Variants in CROCC2 observed in about 807,000 individuals in gnomAD.
CROCC2 encodes ciliary rootlet coiled-coil protein 2.
A neutral mutation model predicts 177.6 loss-of-function variants in CROCC2; 163 were observed. The ratio of observed to expected loss-of-function variants is 0.92; its 90% CI spans 0.81 to 1.05. CROCC2 has a LOEUF of 1.05. Among genes scored for constraint, CROCC2 ranks in the 50% least tolerant of loss-of-function variants. The probability of loss-of-function intolerance (pLI) is 0.00; values close to 1 mark genes in which losing one functional copy is unlikely to be tolerated. For synonymous variants in CROCC2, 904 were observed against 787.3 expected (o/e 1.15, Z -2.48); for missense variants, 1,929 against 1,797.8 (o/e 1.07, Z -1.32).
At chr2:240,935,309 G>C in intron 13 of CROCC2, 49 bp from the exon 14 acceptor site, 1 of 1,327,290 alleles carries the variant, frequency 7.5e-7, no homozygotes, top group Non-Finnish European at 9.7e-7. Context: ...GGCCTACAGG[G>C]ACCGAGGATG....
Position 240,932,766 on chromosome 2 carries a change from C to T in CROCC2, c.1109C>T (p.Pro370Leu). ...AGCAGCATCACTGAATTGGGGGAGCCACGGCGCCCACTGAGGAGCCCCCAA... is the reference window on the plus strand; with the variant it reads ...AGCAGCATCACTGAATTGGGGGAGCTACGGCGCCCACTGAGGAGCCCCCAA... ...AGSSITELGEPRRPLRSPQRA... is the reference protein window; with the variant it reads ...AGSSITELGELRRPLRSPQRA... The change falls in exon 9 of 32, where the codon CCA becomes CTA. Residue 370 changes from proline (P) to leucine (L), a missense_variant. Physicochemically the swap from Pro to Leu is moderately conservative, Grantham distance 98 (BLOSUM62 -3). This residue lies in a region of CROCC2 where 1,397 missense variants were observed against 1,239.9 expected (regional missense o/e 1.13). Coordinates refer to ENST00000690015, the MANE Select transcript of CROCC2 (RefSeq NM_001351305.2). 1 of 1,243,440 alleles carries T rather than the reference C, an allele frequency of 8.0e-7. No individual in the cohort carries two copies. Among genetic ancestry groups the T allele is most frequent in the Non-Finnish European group, 1.2e-6 (1 of 867,514 alleles). The allele number at this position is 1,243,440 out of a possible 1,614,324, so 77.0% of individuals were successfully genotyped here. A position where few individuals can be genotyped will look rare whatever the true frequency, so the allele number is the denominator to read the frequency against.
At chr2:240,984,249 T>C (rs1053897083) in intron 28 of CROCC2, among the ~76,000 whole-genome samples, 1 of 152,124 alleles carries the variant, frequency 6.6e-6, no homozygotes, top group Admixed American at 6.5e-5. Context: ...CCAGTGGTCC[T>C]GGCCACTGAG....
At chr2:240,930,092 C>A in intron 5 of CROCC2, 74 bp from the exon 6 acceptor site, 1 of 521,478 alleles carries the variant, frequency 1.9e-6, no homozygotes. Flanking sequence ...GGGACATGCA[C>A]TTGGAAAAGA....
chr2:240,925,072 C>G lies in CROCC2; in HGVS notation c.489-652C>G, dbSNP rs189260360. ...ACCAAGGCCCACCAGTCTCCCAGAC[C>G]TGGGGAGGTTAAGTTGTCTATAGAA... On this transcript the variant is annotated intron_variant, in intron 4 of 31. Coordinates refer to ENST00000690015, the MANE Select transcript of CROCC2 (RefSeq NM_001351305.2). Among the ~76,000 whole-genome samples the G allele has an allele frequency of 5.1e-3, 771 of 151,970 alleles. 20 individuals are homozygous for G. The highest frequency in any genetic ancestry group is 0.043 in the East Asian group (218 of 5,120).
chr2:240,961,036 G>C (rs1022981482), intron 20 of CROCC2, among the ~76,000 whole-genome samples: 2 of 151,862 alleles, frequency 1.3e-5, no homozygotes, highest in Non-Finnish European at 2.9e-5. Context: ...ACAGAGCAGG[G>C]TGCCCAGAAA....
intron 1 of CROCC2, among the ~76,000 whole-genome samples, chr2:240,914,972 C>T (rs960773957): frequency 5.9e-5 from 9 of 152,246 alleles, no homozygotes; most frequent in South Asian, 4.1e-4. Context: ...AGCGCAAGAG[C>T]GTGGCCTCCA....
intron 18 of CROCC2, among the ~76,000 whole-genome samples, chr2:240,951,159 C>A (rs2059553622): frequency 6.6e-6 from 1 of 151,956 alleles, no homozygotes; most frequent in Admixed American, 6.6e-5. Flanking sequence ...ATACACTCAT[C>A]CACACACCTA....
At chr2:240,938,904 G>T (rs1032839924) in intron 14 of CROCC2, among the ~76,000 whole-genome samples, 2 of 152,052 alleles carry the variant, frequency 1.3e-5, no homozygotes, top group African/African-American at 4.8e-5. Context: ...ATGTGACCTT[G>T]ACAAATTCAC....
chr2:240,938,867 T>C (rs2059483017), intron 14 of CROCC2, among the ~76,000 whole-genome samples: 1 of 152,200 alleles, frequency 6.6e-6, no homozygotes, highest in Non-Finnish European at 1.5e-5. Context: ...ATTATAGAAA[T>C]ACAATTTCAT....
In CROCC2 at chr2:240,950,520, A is replaced by G. The variant is rs4077132; in HGVS notation, c.2829+10A>G. 0.64 allele frequency: 989,680 copies of G among 1,545,440 alleles called. 319,505 individuals are homozygous for G. Among genetic ancestry groups the G allele is most frequent in the African/African-American group, 0.82 (59,758 of 72,994 alleles). On this transcript the variant is annotated intron_variant, in intron 18 of 31. Transcript: ENST00000690015. The stretch of plus-strand genomic sequence containing the variant: ...GCACAAGATGCAACAGGTGATGGTG[A>G]GGCTGGGGGGCAGCGGGATTGCTCA...
intron 1 of CROCC2, among the ~76,000 whole-genome samples, chr2:240,914,034 G>A (rs1158952205): frequency 2.0e-5 from 3 of 152,280 alleles, no homozygotes; most frequent in Admixed American, 2.0e-4. Context: ...AGCAGCCGCA[G>A]CATGGCTGGG....
In CROCC2 at chr2:240,949,480, G is replaced by A. The variant is rs971819735; in HGVS notation, c.2483-53G>A. The A allele has an allele frequency of 1.3e-5, 20 of 1,533,082 alleles. No homozygotes were observed. The South Asian group carries it at 2.3e-4, about 18-fold the overall frequency. The allele number at this position is 1,533,082 out of a possible 1,614,324, so 95.0% of individuals were successfully genotyped here. On this transcript the variant is annotated intron_variant, in intron 16 of 31. Transcript: ENST00000690015. This position sits in a 1 kb window ranked among gnomAD's most constrained non-coding sequence, Gnocchi z 4.5. ...TGTCACTCCCTAGGAAGTCCCAAAG[G>A]GTTCAGGGGTCCACATGCCAGGCCC... is the stretch of plus-strand genomic sequence containing the variant.
chr2:240,906,803 A>T (rs2059257242), intron 1 of CROCC2, among the ~76,000 whole-genome samples: 5 of 152,296 alleles, frequency 3.3e-5, no homozygotes. Context: ...TTCAGCCAGG[A>T]GAGAGAGCCT....
chr2:240,951,299 T>C (rs1346211529), intron 18 of CROCC2, among the ~76,000 whole-genome samples: 7 of 81,552 alleles, frequency 8.6e-5, no homozygotes, highest in East Asian at 3.4e-4. Context: ...ATCCATCCAT[T>C]TATCCATCCA....
In CROCC2 at chr2:240,959,409, G is replaced by A. The variant is rs1456596519; in HGVS notation, c.3052G>A (p.Asp1018Asn). 10 of 1,550,512 alleles carry A rather than the reference G, an allele frequency of 6.4e-6. No homozygotes were observed. Among genetic ancestry groups the A allele is most frequent in the Non-Finnish European group, 8.7e-6 (10 of 1,146,926 alleles). The part of the protein sequence containing the change: ...ETTALRESLQ[D>N]LAAERGDVER... ...CACGGCCCTACGCGAGAGCCTCCAG[G>A]ACCTAGCGGCTGAGCGGGGCGATGT... Residue 1018 changes from aspartate (D) to asparagine (N), a missense_variant, in exon 20 of 32, where the codon GAC becomes AAC. By Grantham distance (23) the Asp-to-Asn change is conservative. This residue lies in a region of CROCC2 where 1,397 missense variants were observed against 1,239.9 expected (regional missense o/e 1.13). Coordinates refer to ENST00000690015, the MANE Select transcript of CROCC2 (RefSeq NM_001351305.2).
intron 28 of CROCC2, among the ~76,000 whole-genome samples, chr2:240,988,457 G>T (rs1460537668): frequency 6.6e-6 from 1 of 152,196 alleles, no homozygotes; most frequent in East Asian, 1.9e-4. Flanking sequence ...AAGATGTAGG[G>T]AGTCCCCCAT....
chr2:240,958,133 G>A lies in CROCC2; in HGVS notation c.2944-1168G>A, dbSNP rs926695436. 12 of 985,298 alleles carry A rather than the reference G, an allele frequency of 1.2e-5. No homozygotes were observed. The highest frequency in any genetic ancestry group is 1.3e-5 in the Non-Finnish European group (11 of 829,922). 61.0% of individuals were successfully genotyped at this position (985,298 alleles called of 1,614,324 possible). ...GGAAATTAAAACTGTTGAGAGGAGCGGGAGGAGAGGAATGCCGGCCAAGGA... is the reference window on the plus strand; with the variant it reads ...GGAAATTAAAACTGTTGAGAGGAGCAGGAGGAGAGGAATGCCGGCCAAGGA... On this transcript the variant is annotated intron_variant, in intron 19 of 31. Coordinates refer to ENST00000690015, the MANE Select transcript of CROCC2 (RefSeq NM_001351305.2). The surrounding 1 kb of genome is among the most constrained non-coding windows in gnomAD (Gnocchi z 6.7).
At position 240,934,505 on chromosome 2, in the gene CROCC2, C is replaced by G. The variant is rs552791168; in HGVS notation, c.1791+30C>G. ...ACTCTGCTCCCCACAACCCCGCCCC[C>G]TCTCCTGTCTGCCCCCACCCACCCT... On this transcript the variant is annotated intron_variant, in intron 12 of 31. Coordinates refer to ENST00000690015, the MANE Select transcript of CROCC2 (RefSeq NM_001351305.2). 8 of 1,535,506 alleles carry G rather than the reference C, an allele frequency of 5.2e-6. No homozygotes were observed. In the African/African-American group the frequency reaches 8.3e-5, roughly 16 times the overall value.
intron 1 of CROCC2, among the ~76,000 whole-genome samples, chr2:240,911,875 GTTTA>G (rs2059291094): frequency 6.6e-6 from 1 of 152,168 alleles, no homozygotes; most frequent in Non-Finnish European, 1.5e-5. Flanking sequence ...ACCACACTCT[GTTTA>G]TTCATTCATC....
Sources: gnomAD v4.1 joint callset for allele counts (sites outside exome capture counted in the v4.1 genomes callset) on GRCh38, gnomAD v4.1.1 for gene constraint, gnomAD v4.1.1 regional missense constraint, Gnocchi (gnomAD v3.1) non-coding constraint, MANE v1.5 for transcripts, NCBI Gene and HGNC (gene_info 2026-07-23, HGNC 2026-07-21) for gene names.